The following TBC1D4 variants were observed in gnomAD, a reference collection of about 807,000 sequenced individuals.
The protein encoded by TBC1D4 is TBC (Tre-2, BUB2, CDC16) domain-containing protein.
A neutral mutation model predicts 142.5 loss-of-function variants in TBC1D4; 121 were observed. That is an observed-to-expected ratio of 0.85 (90% CI 0.73 to 0.99). The LOEUF (loss-of-function observed/expected upper bound fraction) is 0.99, where lower values mean the gene tolerates loss of function less well. TBC1D4 is among the 50% of genes least tolerant of loss of function. The pLI is 0.00. For synonymous variants in TBC1D4, 630 were observed against 628.2 expected (o/e 1.00, Z -0.04); for missense variants, 1,475 against 1,606.6 (o/e 0.92, Z 1.40).
chr13:75,388,420 A>G (rs1884301370), intron 1 of TBC1D4, among the ~76,000 whole-genome samples: 1 of 152,202 alleles, frequency 6.6e-6, no homozygotes, highest in Non-Finnish European at 1.5e-5. Context: ...CTCATGTATT[A>G]TATTTTTAAA....
intron 11 of TBC1D4, among the ~76,000 whole-genome samples, chr13:75,320,867 C>CAAAAAAAAAAA (rs148657060): frequency 5.9e-5 from 5 of 84,374 alleles, no homozygotes; most frequent in South Asian, 4.3e-4. Context: ...ACTAAAAATA[C>CAAAAAAAAAAA]AAAAAAAAAA....
At chr13:75,333,428 G>T (rs78413776) in intron 8 of TBC1D4, among the ~76,000 whole-genome samples, 17 of 152,282 alleles carry the variant, frequency 1.1e-4, no homozygotes, top group African/African-American at 4.1e-4. Context: ...GGTGGGCTTT[G>T]TGAGGCATGT....
At chr13:75,327,722 A>C in intron 9 of TBC1D4, 30 bp downstream of exon 9, 1 of 1,610,480 alleles carries the variant, frequency 6.2e-7, no homozygotes, top group South Asian at 1.1e-5. Context: ...GTTAAGTTGC[A>C]ATTAGTGTAA....
intron 1 of TBC1D4, among the ~76,000 whole-genome samples, chr13:75,407,918 G>A (rs923336202): frequency 1.3e-5 from 2 of 151,956 alleles, no homozygotes; most frequent in Non-Finnish European, 2.9e-5. Context: ...AATGGGGAAC[G>A]AGCCGGGAAA....
intron 1 of TBC1D4, among the ~76,000 whole-genome samples, chr13:75,413,906 T>C (rs937801913): frequency 1.3e-5 from 2 of 152,192 alleles, no homozygotes; most frequent in African/African-American, 4.8e-5. Flanking sequence ...TCTCTTCTTC[T>C]AGAGCAGGGT....
At chr13:75,481,212 C>A in intron 1 of TBC1D4, 58 bp downstream of exon 1, 1 of 1,487,016 alleles carries the variant, frequency 6.7e-7, no homozygotes. Context: ...CCCTCCCGCC[C>A]TGCTCCCCGA....
rs186376957 is a variant in TBC1D4, at chr13:75,435,008, C to T, written c.498+46262G>A. Among the ~76,000 whole-genome samples the T allele has an allele frequency of 2.0e-4, 30 of 150,898 alleles. 1 individual carries two copies. Among genetic ancestry groups the T allele is most frequent in the African/African-American group, 6.8e-4 (28 of 41,082 alleles). On this transcript the variant is annotated intron_variant, in intron 1 of 20. Transcript: ENST00000377636. ...GCTAAAAATACAAAAATTAGCTGGGCGTTGTGGCAGGCACCTGTAAAAGAC... is the reference window on the plus strand; with the variant it reads ...GCTAAAAATACAAAAATTAGCTGGGTGTTGTGGCAGGCACCTGTAAAAGAC...
At chr13:75,480,877 G>GCGCACACA (rs1197246407) in intron 1 of TBC1D4, among the ~76,000 whole-genome samples, 2 of 124,196 alleles carry the variant, frequency 1.6e-5, no homozygotes, top group African/African-American at 5.1e-5. Context: ...GCACACGCAC[G>GCGCACACA]CACACACACA....
chr13:75,298,070 T>C (rs182622171), intron 17 of TBC1D4, among the ~76,000 whole-genome samples: 7 of 150,816 alleles, frequency 4.6e-5, no homozygotes, highest in Admixed American at 3.3e-4. Flanking sequence ...GCAACTGAGA[T>C]ATTAAAGGCA....
At chr13:75,380,575 A>T (rs575047106) in intron 1 of TBC1D4, among the ~76,000 whole-genome samples, 2 of 151,728 alleles carry the variant, frequency 1.3e-5, no homozygotes, top group South Asian at 4.2e-4. Flanking sequence ...GAAACACTGA[A>T]TTTACAAACA....
chr13:75,337,758 G>A (rs1035028299), intron 7 of TBC1D4, among the ~76,000 whole-genome samples: 1 of 152,158 alleles, frequency 6.6e-6, no homozygotes, highest in African/African-American at 2.4e-5. Context: ...TAAACAGGAA[G>A]AAAAGAATAC....
At chr13:75,433,610 A>T (rs1167283652) in intron 1 of TBC1D4, among the ~76,000 whole-genome samples, 1 of 152,178 alleles carries the variant, frequency 6.6e-6, no homozygotes, top group African/African-American at 2.4e-5. Flanking sequence ...AACGTACTTG[A>T]TTCATCTATT....
rs770118023 is a variant in TBC1D4 at position 75,289,117 on chromosome 13, T to G, written c.3487-7A>C. On this transcript the variant is annotated splice_region_variant and splice_polypyrimidine_tract_variant and intron_variant, in intron 19 of 20. Coordinates refer to ENST00000377636, the MANE Select transcript of TBC1D4 (RefSeq NM_014832.5). ...AAATATCCATCTCAAAAACCTGCCA[T>G]GAAAGTATCATGGGTTAGGCTAGCC... 2.0e-5 allele frequency: 33 copies of G among 1,613,440 alleles called. No individual in the cohort carries two copies. The South Asian group carries it at 3.5e-4, about 17-fold the overall frequency.
At chr13:75,438,063 A>G (rs1886871667) in intron 1 of TBC1D4, among the ~76,000 whole-genome samples, 1 of 152,218 alleles carries the variant, frequency 6.6e-6, no homozygotes, top group Non-Finnish European at 1.5e-5. Context: ...CAATTTTCCA[A>G]TGTCATAAAC....
At chr13:75,471,213 T>C (rs181713433) in intron 1 of TBC1D4, among the ~76,000 whole-genome samples, 19 of 152,240 alleles carry the variant, frequency 1.2e-4, no homozygotes, top group Admixed American at 8.5e-4. Flanking sequence ...GATATGCCAA[T>C]TAACTTCCAG....
chr13:75,425,169 T>C (rs959984106), intron 1 of TBC1D4, among the ~76,000 whole-genome samples: 3 of 151,940 alleles, frequency 2.0e-5, no homozygotes, highest in Admixed American at 2.0e-4. Flanking sequence ...AATTTAAAAA[T>C]GGGCAATGGA....
At chr13:75,457,445 T>A (rs899124178) in intron 1 of TBC1D4, among the ~76,000 whole-genome samples, 15 of 152,162 alleles carry the variant, frequency 9.9e-5, no homozygotes, top group South Asian at 8.3e-4. Context: ...AGTGTCTCCA[T>A]GTCTCCAGAT....
intron 1 of TBC1D4, among the ~76,000 whole-genome samples, chr13:75,383,198 T>C (rs1883956480): frequency 6.6e-6 from 1 of 152,074 alleles, no homozygotes; most frequent in Admixed American, 6.6e-5. Context: ...TGGTGAGCAC[T>C]TGTAGTCCCA....
intron 5 of TBC1D4, among the ~76,000 whole-genome samples, chr13:75,346,423 T>C (rs1016678990): frequency 1.8e-4 from 27 of 152,192 alleles, no homozygotes; most frequent in Admixed American, 1.2e-3. Flanking sequence ...CTGTGTTAGT[T>C]TGCTGAGAGT....
Sources: allele counts gnomAD v4.1 joint callset (sites outside exome capture counted in the v4.1 genomes callset), GRCh38; gene constraint gnomAD v4.1.1; transcripts MANE v1.5; gene names NCBI Gene and HGNC (gene_info 2026-07-23, HGNC 2026-07-21).